Variants in MACROD2 observed in about 807,000 individuals in gnomAD.
The protein encoded by MACROD2 is ADP-ribose glycohydrolase MACROD2.
A neutral mutation model predicts 70.4 loss-of-function variants in MACROD2; 36 were observed. That is an observed-to-expected ratio of 0.51 (90% CI 0.39 to 0.68). The LOEUF (loss-of-function observed/expected upper bound fraction) is 0.68. MACROD2 is among the 30% of genes least tolerant of loss of function. MACROD2 has a pLI of 0.00. For missense variants in MACROD2, 496 were observed against 538.4 expected (o/e 0.92, Z 0.78); for synonymous variants, 172 against 178.8 (o/e 0.96, Z 0.30).
chr20:14,058,136 T>A (rs1488410004), intron 2 of MACROD2, among the ~76,000 whole-genome samples: 1 of 152,144 alleles, frequency 6.6e-6, no homozygotes, highest in Non-Finnish European at 1.5e-5. Context: ...GGTGGTTACA[T>A]GGGTATACTG....
At chr20:14,750,139 G>A (rs1414032895) in intron 5 of MACROD2, among the ~76,000 whole-genome samples, 1 of 152,002 alleles carries the variant, frequency 6.6e-6, no homozygotes, top group Non-Finnish European at 1.5e-5. Flanking sequence ...TTCTAGTTTT[G>A]CAAATTATCC....
intron 6 of MACROD2, among the ~76,000 whole-genome samples, chr20:15,303,397 C>T (rs2077665639): frequency 6.6e-6 from 1 of 152,150 alleles, no homozygotes; most frequent in African/African-American, 2.4e-5. Context: ...TAAAGGCACC[C>T]TTTTCTCCAA....
At chr20:14,911,083 A>G (rs1171498305) in intron 5 of MACROD2, among the ~76,000 whole-genome samples, 2 of 152,188 alleles carry the variant, frequency 1.3e-5, no homozygotes, top group Non-Finnish European at 2.9e-5. Context: ...TTTGATTCTC[A>G]GTTCTAATCA....
At chr20:15,932,925 C>T (rs1180675572) in intron 10 of MACROD2, among the ~76,000 whole-genome samples, 1 of 152,166 alleles carries the variant, frequency 6.6e-6, no homozygotes, top group East Asian at 1.9e-4. Flanking sequence ...CTTCCTTACA[C>T]AGTGCATGTT....
At chr20:14,590,628 G>C (rs776725122) in intron 4 of MACROD2, among the ~76,000 whole-genome samples, 1 of 151,952 alleles carries the variant, frequency 6.6e-6, no homozygotes, top group Non-Finnish European at 1.5e-5. Context: ...TATTTTTCCC[G>C]TATCTGTATA....
At chr20:14,276,421 G>A (rs373224933) in intron 3 of MACROD2, among the ~76,000 whole-genome samples, 1 of 135,200 alleles carries the variant, frequency 7.4e-6, no homozygotes, top group East Asian at 2.3e-4. Context: ...GGTGGGAATT[G>A]AACAATGAGA....
At chr20:15,601,595 G>A (rs760033212) in intron 8 of MACROD2, among the ~76,000 whole-genome samples, 12 of 152,084 alleles carry the variant, frequency 7.9e-5, no homozygotes, top group African/African-American at 2.2e-4. Context: ...TCCAGTGATC[G>A]GTGATCACCT....
intron 5 of MACROD2, among the ~76,000 whole-genome samples, chr20:14,702,296 A>C (rs1036748798): frequency 6.6e-6 from 1 of 151,662 alleles, no homozygotes; most frequent in African/African-American, 2.4e-5. Flanking sequence ...TAAAATAACC[A>C]GTTATTTCTG....
intron 3 of MACROD2, among the ~76,000 whole-genome samples, chr20:14,106,079 G>T (rs2054364100): frequency 6.6e-6 from 1 of 152,154 alleles, no homozygotes; most frequent in African/African-American, 2.4e-5. Flanking sequence ...TTCTGTTTGA[G>T]AAAAACAGAG....
chr20:14,216,825 A>G (rs2081627085), intron 3 of MACROD2, among the ~76,000 whole-genome samples: 1 of 152,070 alleles, frequency 6.6e-6, no homozygotes, highest in Admixed American at 6.5e-5. Context: ...CTGTTGGTGT[A>G]TAGAAGAGCT....
intron 3 of MACROD2, among the ~76,000 whole-genome samples, chr20:14,306,088 C>T (rs1484511940): frequency 6.6e-6 from 1 of 152,058 alleles, no homozygotes; most frequent in African/African-American, 2.4e-5. Context: ...CATTTCTACC[C>T]CTGATGCTTC....
intron 5 of MACROD2, among the ~76,000 whole-genome samples, chr20:14,880,837 A>G (rs2073603018): frequency 1.3e-5 from 2 of 152,006 alleles, no homozygotes; most frequent in Non-Finnish European, 2.9e-5. Context: ...CACAAACACA[A>G]CTCCCTCCAC....
chr20:14,004,595 AC>A (rs2052785359), intron 2 of MACROD2, among the ~76,000 whole-genome samples: 1 of 152,112 alleles, frequency 6.6e-6, no homozygotes, highest in Non-Finnish European at 1.5e-5. Flanking sequence ...TTCTTGTGTT[AC>A]CTATTCAGTG....
intron 10 of MACROD2, among the ~76,000 whole-genome samples, chr20:15,926,840 C>T (rs117141551): frequency 0.01 from 1,583 of 152,280 alleles, 13 homozygotes; most frequent in Non-Finnish European, 0.017. Flanking sequence ...GTCTCCACCA[C>T]GCAGGGTCTT....
At chr20:15,046,621 G>C (rs2075396879) in intron 5 of MACROD2, among the ~76,000 whole-genome samples, 1 of 152,190 alleles carries the variant, frequency 6.6e-6, no homozygotes, top group African/African-American at 2.4e-5. Context: ...TACTCTGGCT[G>C]TCCGTTCCCA....
chr20:15,943,408 C>A (rs1192074116), intron 12 of MACROD2, among the ~76,000 whole-genome samples: 1 of 152,150 alleles, frequency 6.6e-6, no homozygotes, highest in Non-Finnish European at 1.5e-5. Context: ...CACTAAGCGT[C>A]CTCACCCCAT....
intron 10 of MACROD2, among the ~76,000 whole-genome samples, chr20:15,886,018 C>T (rs2064817915): frequency 6.6e-6 from 1 of 152,136 alleles, no homozygotes; most frequent in Admixed American, 6.6e-5. Context: ...CTTGAGTTTC[C>T]TGACAGCGAA....
At chr20:15,665,952 G>T (rs1207246739) in intron 8 of MACROD2, among the ~76,000 whole-genome samples, 3 of 151,188 alleles carry the variant, frequency 2.0e-5, no homozygotes, top group Admixed American at 6.6e-5. Flanking sequence ...GTTTCTCTTG[G>T]AGATATGCTT....
intron 3 of MACROD2, among the ~76,000 whole-genome samples, chr20:14,144,204 C>A (rs951079429): frequency 6.6e-6 from 1 of 151,838 alleles, no homozygotes; most frequent in Non-Finnish European, 1.5e-5. Flanking sequence ...TTTTTCTATG[C>A]TAAAGAAAAG....
Sources: allele counts gnomAD v4.1 joint callset (sites outside exome capture counted in the v4.1 genomes callset), GRCh38; gene constraint gnomAD v4.1.1; transcripts MANE v1.5; gene names NCBI Gene and HGNC (gene_info 2026-07-23, HGNC 2026-07-21).